The following PROSER2 variants were observed in gnomAD, a reference collection of about 807,000 sequenced individuals.
The protein encoded by PROSER2 is proline and serine-rich protein 2.
Under a neutral mutation model 14.6 loss-of-function variants are expected in PROSER2, and 18 were observed. The observed-to-expected ratio is 1.23, with a 90% confidence interval of 0.85 to 1.83. The LOEUF is 1.83. Among genes scored for constraint, PROSER2 ranks in the 40% most tolerant of loss-of-function variants. The pLI is 0.00. For synonymous variants in PROSER2, 367 were observed against 286.4 expected (o/e 1.28, Z -2.84); for missense variants, 823 against 629.8 (o/e 1.31, Z -3.28).
Position 11,848,640 on chromosome 10 carries a change from G to GC in PROSER2, c.-81-3351dup, listed in dbSNP as rs140506860. Among the ~76,000 whole-genome samples the GC allele has an allele frequency of 3.4e-3, 510 of 152,176 alleles. 5 individuals carry two copies. Among genetic ancestry groups the GC allele is most frequent in the African/African-American group, 0.012 (488 of 41,510 alleles). On this transcript the variant is annotated intron_variant, in intron 1 of 3. Coordinates refer to ENST00000277570, the MANE Select transcript of PROSER2 (RefSeq NM_153256.4). ...TTGCAGGGCGTAAACCTCCCTTGGT[G>GC]CCCCCCTACCTGTCGGCAAAGTTCA...
Position 11,830,024 on chromosome 10 carries a change from G to A in PROSER2, c.-82+6554G>A, listed in dbSNP as rs1833670397. 6.6e-6 allele frequency among the ~76,000 whole-genome samples: 1 copy of A among 151,640 alleles called. No homozygotes were observed. ...ATGCCTGGCTAATTTTTGCATTTTA[G>A]TAGAGACGGGGTTTTGCCATGTTGG... is the stretch of plus-strand genomic sequence containing the variant. On this transcript the variant is annotated intron_variant, in intron 1 of 3. Coordinates refer to ENST00000277570, the MANE Select transcript of PROSER2 (RefSeq NM_153256.4). The surrounding 1 kb of genome is among the most constrained non-coding windows in gnomAD (Gnocchi z 4.5).
chr10:11,869,852 C>A lies in PROSER2; in HGVS notation c.754C>A (p.Arg252Ser), dbSNP rs1445449331. The A allele has an allele frequency of 1.3e-6, 2 of 1,590,172 alleles. No homozygotes were observed. The highest frequency in any genetic ancestry group is 2.3e-5 in the East Asian group (1 of 43,988). ...CCACCCGGCGCAGCCCAAGGCACCCCGCTTCCCCAGCAACATCATCGTCAC... is the reference window on the plus strand; with the variant it reads ...CCACCCGGCGCAGCCCAAGGCACCCAGCTTCCCCAGCAACATCATCGTCAC... ...PSHPAQPKAP[R>S]FPSNIIVTNG... is the part of the protein sequence containing the mutation. Residue 252 changes from arginine to serine, a missense_variant, in exon 4 of 4, where the codon CGC becomes AGC. Transcript: ENST00000277570. The surrounding 1 kb of genome is among the most constrained non-coding windows in gnomAD (Gnocchi z 4.4).
chr10:11,826,668 C>A (rs1169776744), intron 1 of PROSER2, among the ~76,000 whole-genome samples: 1 of 151,764 alleles, frequency 6.6e-6, no homozygotes. Flanking sequence ...AGCTCTGCCT[C>A]CCGTGTTCAC....
At chr10:11,846,981 G>T (rs1833930844) in intron 1 of PROSER2, among the ~76,000 whole-genome samples, 1 of 151,670 alleles carries the variant, frequency 6.6e-6, no homozygotes, top group South Asian at 2.1e-4. Context: ...CAAACTCCTG[G>T]CCTGAAGCAA....
Position 11,856,628 on chromosome 10 carries a change from T to C in PROSER2, c.138+4413T>C, listed in dbSNP as rs1834126454. On this transcript the variant is annotated intron_variant, in intron 2 of 3. Coordinates refer to ENST00000277570, the MANE Select transcript of PROSER2 (RefSeq NM_153256.4). The surrounding 1 kb of genome is among the most constrained non-coding windows in gnomAD (Gnocchi z 5.3). ...TGAGTTTTTAGGATTTAATATTTGA[T>C]GAACTGTCTCGAATCCCCCTCTCCC... Among the ~76,000 whole-genome samples, 1 of 152,222 alleles carries C rather than the reference T, an allele frequency of 6.6e-6. No homozygotes were observed. Among genetic ancestry groups the C allele is most frequent in the Non-Finnish European group, 1.5e-5 (1 of 68,042 alleles).
rs1178791341 is a variant in PROSER2, at chr10:11,823,584, G to GC, written c.-82+116dup. 2 of 152,278 alleles carry GC rather than the reference G, an allele frequency of 1.3e-5. No individual in the cohort carries two copies. Among genetic ancestry groups the GC allele is most frequent in the Non-Finnish European group, 2.9e-5 (2 of 68,228 alleles). 9.4% of individuals were successfully genotyped at this position (152,278 alleles called of 1,614,324 possible). A position where few individuals can be genotyped will look rare whatever the true frequency, so the allele number is the denominator to read the frequency against. ...CCGGCGGGTCGGGCAGAGAGGGGGCGCCGGACCCTGCCTTGGCGCGCTCCT... is the reference window on the plus strand; with the variant it reads ...CCGGCGGGTCGGGCAGAGAGGGGGCGCCCGGACCCTGCCTTGGCGCGCTCCT... On this transcript the variant is annotated intron_variant, in intron 1 of 3. Coordinates refer to ENST00000277570, the MANE Select transcript of PROSER2 (RefSeq NM_153256.4). This position sits in a 1 kb window ranked among gnomAD's most constrained non-coding sequence, Gnocchi z 6.2.
At chr10:11,855,745 A>G (rs1041604296) in intron 2 of PROSER2, among the ~76,000 whole-genome samples, 1 of 152,184 alleles carries the variant, frequency 6.6e-6, no homozygotes, top group Admixed American at 6.5e-5. Context: ...GCAACATAGC[A>G]AGACCCCTAT....
chr10:11,846,902 C>A (rs963626032), intron 1 of PROSER2, among the ~76,000 whole-genome samples: 37 of 152,052 alleles, frequency 2.4e-4, no homozygotes, highest in Non-Finnish European at 3.7e-4. Flanking sequence ...CCACGCCTGG[C>A]TGATTTTGCT....
rs573872631 is a variant in PROSER2 at position 11,823,464 on chromosome 10, C to T, written c.-88C>T. ...ACCTGAGTCCCGGGGTAGGGGTCTC[C>T]CGCGAGGTGAGTGGGGCCCTAGGAC... On this transcript the variant is annotated 5_prime_UTR_variant, in exon 1 of 4. Coordinates refer to ENST00000277570, the MANE Select transcript of PROSER2 (RefSeq NM_153256.4). The surrounding 1 kb of genome is among the most constrained non-coding windows in gnomAD (Gnocchi z 6.2). The T allele has an allele frequency of 5.7e-3, 876 of 154,430 alleles. 8 individuals are homozygous for T. The highest frequency in any genetic ancestry group is 0.02 in the African/African-American group (827 of 41,386). The allele number at this position is 154,430 out of a possible 1,614,324, so 9.6% of individuals were successfully genotyped here.
Position 11,866,489 on chromosome 10 carries a change from G to A in PROSER2, c.139-42G>A, listed in dbSNP as rs1564314342. On this transcript the variant is annotated intron_variant, in intron 2 of 3. Transcript: ENST00000277570. The surrounding 1 kb of genome is among the most constrained non-coding windows in gnomAD (Gnocchi z 6.0). ...AGCTTTTGTCTCTTTAGTGAAGCCA[G>A]TGTTTGTTTTCTCTCTTCTGTTCCC... The A allele has an allele frequency of 1.9e-6, 3 of 1,605,274 alleles. No homozygotes were observed. The Admixed American group carries it at 5.0e-5, about 27-fold the overall frequency.
chr10:11,864,350 A>C (rs75891316), intron 2 of PROSER2, among the ~76,000 whole-genome samples: 2,951 of 152,252 alleles, frequency 0.019, 82 homozygotes, highest in African/African-American at 0.066. Flanking sequence ...AGTTATAAGA[A>C]TAGTACAGAG....
At chr10:11,840,816 T>C (rs1180928652) in intron 1 of PROSER2, among the ~76,000 whole-genome samples, 4 of 148,912 alleles carry the variant, frequency 2.7e-5, no homozygotes, top group Non-Finnish European at 4.4e-5. Flanking sequence ...TCCCAGCTAA[T>C]TGGGAGGCTG....
chr10:11,845,933 C>A (rs1564305924), intron 1 of PROSER2, among the ~76,000 whole-genome samples: 1 of 152,214 alleles, frequency 6.6e-6, no homozygotes, highest in Non-Finnish European at 1.5e-5. Flanking sequence ...CATTGTGAAA[C>A]ACGCTCAGCC....
intron 2 of PROSER2, among the ~76,000 whole-genome samples, chr10:11,864,059 G>A (rs1342547005): frequency 6.6e-6 from 1 of 152,170 alleles, no homozygotes; most frequent in Non-Finnish European, 1.5e-5. Context: ...CGTGTTTAGA[G>A]GAACAGCTGC....
chr10:11,855,740 A>G (rs945895111), intron 2 of PROSER2, among the ~76,000 whole-genome samples: 14 of 152,216 alleles, frequency 9.2e-5, no homozygotes, highest in Non-Finnish European at 1.6e-4. Context: ...CCTGGGCAAC[A>G]TAGCAAGACC....
rs115714973 is a variant in PROSER2 at position 11,846,626 on chromosome 10, C to T, written c.-81-5371C>T. Reference sequence around the variant, plus strand: ...GTCGATAGCATTTCCTCCTGCCTGTCGCTGGAAGCAGGGAGTCACAGGTGT... The same window carrying T: ...GTCGATAGCATTTCCTCCTGCCTGTTGCTGGAAGCAGGGAGTCACAGGTGT... On this transcript the variant is annotated intron_variant, in intron 1 of 3. Transcript: ENST00000277570. Among the ~76,000 whole-genome samples, 280 of 152,298 alleles carry T rather than the reference C, an allele frequency of 1.8e-3. 1 individual carries two copies. Among genetic ancestry groups the T allele is most frequent in the African/African-American group, 6.3e-3 (260 of 41,554 alleles).
At chr10:11,833,379 A>G (rs1833714827) in intron 1 of PROSER2, among the ~76,000 whole-genome samples, 1 of 151,640 alleles carries the variant, frequency 6.6e-6, no homozygotes, top group Non-Finnish European at 1.5e-5. Flanking sequence ...CCCATCTCCA[A>G]AAAAATTTTT....
At chr10:11,840,938 AAAAAAAAAAAAAAAAAAAT>A (rs1330331203) in intron 1 of PROSER2, among the ~76,000 whole-genome samples, 2 of 62,696 alleles carry the variant, frequency 3.2e-5, no homozygotes, top group Non-Finnish European at 6.4e-5. Context: ...AAAAAAAAAA[AAAAAAAAAAAAAAAAAAAT>A]ATATATATAT....
chr10:11,826,651 C>A (rs1418734605), intron 1 of PROSER2, among the ~76,000 whole-genome samples: 1 of 152,158 alleles, frequency 6.6e-6, no homozygotes, highest in Non-Finnish European at 1.5e-5. Context: ...GATCTTGGCT[C>A]ACTGCAAGCT....
Sources: gnomAD v4.1 joint callset for allele counts (sites outside exome capture counted in the v4.1 genomes callset) on GRCh38, gnomAD v4.1.1 for gene constraint, Gnocchi (gnomAD v3.1) non-coding constraint, MANE v1.5 for transcripts, NCBI Gene and HGNC (gene_info 2026-07-23, HGNC 2026-07-21) for gene names.